Variants in DOCK1 observed in about 807,000 individuals in gnomAD.
DOCK1 encodes dedicator of cytokinesis protein 1.
In DOCK1, 138 loss-of-function variants were observed where a neutral mutation model predicts 262.7. The ratio of observed to expected loss-of-function variants is 0.53; its 90% CI spans 0.46 to 0.61. The LOEUF is 0.61. Ranked by LOEUF, DOCK1 falls within the 20% of genes least tolerant of loss-of-function variation. The pLI, the probability that DOCK1 is intolerant of heterozygous loss-of-function variation, is 0.00. For missense variants in DOCK1, 1,908 were observed against 2,370.7 expected (o/e 0.80, Z 4.05); for synonymous variants, 866 against 867.4 (o/e 1.00, Z 0.03).
intron 38 of DOCK1, among the ~76,000 whole-genome samples, chr10:127,388,408 C>T (rs1458630795): frequency 6.6e-6 from 1 of 152,150 alleles, no homozygotes; most frequent in Non-Finnish European, 1.5e-5. Context: ...AGATGAAGAA[C>T]AGGTGCTGGA....
chr10:126,987,486 G>A (rs369056409), intron 4 of DOCK1, 35 bp from the exon 5 acceptor site: 119 of 1,530,470 alleles, frequency 7.8e-5, no homozygotes, highest in Non-Finnish European at 1.0e-4. Flanking sequence ...CAGTGAAACC[G>A]TGGACTCAGC....
At chr10:127,386,747 G>A (rs1276220176) in intron 38 of DOCK1, among the ~76,000 whole-genome samples, 5 of 152,032 alleles carry the variant, frequency 3.3e-5, no homozygotes, top group Non-Finnish European at 7.4e-5. Context: ...TGTAATGCCC[G>A]TGAATCATCC....
intron 33 of DOCK1, among the ~76,000 whole-genome samples, chr10:127,362,911 A>ACACACATATACACATGCACATCCCCC (rs1565026938): frequency 7.6e-4 from 5 of 6,606 alleles, no homozygotes; most frequent in African/African-American, 2.7e-3. Context: ...GTACATCTCC[A>ACACACATATACACATGCACATCCCCC]CACACACATA....
intron 23 of DOCK1, among the ~76,000 whole-genome samples, chr10:127,071,472 ATC>A (rs1277817188): frequency 6.6e-6 from 1 of 152,194 alleles, no homozygotes; most frequent in African/African-American, 2.4e-5. Context: ...AATGAAAATC[ATC>A]TCTCTTCCAC....
intron 38 of DOCK1, among the ~76,000 whole-genome samples, chr10:127,390,036 G>A (rs2066383791): frequency 6.6e-6 from 1 of 151,456 alleles, no homozygotes; most frequent in Non-Finnish European, 1.5e-5. Context: ...GAGGGGCTGT[G>A]AGACCTCCCT....
chr10:127,075,382 C>T (rs1018828420), intron 23 of DOCK1, among the ~76,000 whole-genome samples: 2 of 152,000 alleles, frequency 1.3e-5, no homozygotes, highest in Non-Finnish European at 2.9e-5. Flanking sequence ...AGTGACCCTT[C>T]CGCCTCAGCT....
intron 27 of DOCK1, among the ~76,000 whole-genome samples, chr10:127,239,998 T>C (rs2059208046): frequency 6.6e-6 from 1 of 152,130 alleles, no homozygotes. Flanking sequence ...ATAACTGTTA[T>C]GGGTAATTTA....
At chr10:127,308,418 T>TTTTG (rs1316403012) in intron 29 of DOCK1, among the ~76,000 whole-genome samples, 1 of 152,198 alleles carries the variant, frequency 6.6e-6, no homozygotes, top group Non-Finnish European at 1.5e-5. Context: ...CTCTGATCTT[T>TTTTG]TTTGTTTGTT....
intron 1 of DOCK1, among the ~76,000 whole-genome samples, chr10:126,938,492 C>T (rs994166208): frequency 3.9e-5 from 6 of 152,198 alleles, no homozygotes; most frequent in Admixed American, 3.9e-4. Context: ...TCTCTATTCT[C>T]TTCTATTGGT....
At position 126,965,791 on chromosome 10, in the gene DOCK1, G is replaced by C. The variant is rs929431375; in HGVS notation, c.47-4911G>C. Among the ~76,000 whole-genome samples the C allele has an allele frequency of 6.6e-5, 10 of 152,136 alleles. No individual in the cohort carries two copies. The South Asian group carries it at 1.9e-3, about 28-fold the overall frequency. ...ATATAATAATTGTATGTATTTATGG[G>C]GTACACCTTCATGTGGTACATATGA... On this transcript the variant is annotated intron_variant, in intron 1 of 51. Transcript: ENST00000623213.
chr10:127,017,167 CACACACACAGATACACCACACAT>C (rs750905656), intron 12 of DOCK1, among the ~76,000 whole-genome samples: 13 of 131,528 alleles, frequency 9.9e-5, no homozygotes, highest in Non-Finnish European at 1.8e-4. Context: ...CAAACACACA[CACACACACAGATACACCACACAT>C]ACACACGCAC....
chr10:127,036,489 T>C (rs1358983626), intron 18 of DOCK1, among the ~76,000 whole-genome samples: 1 of 152,340 alleles, frequency 6.6e-6, no homozygotes. Flanking sequence ...ACTAGAGTTT[T>C]GTTTTTTGAT....
intron 38 of DOCK1, among the ~76,000 whole-genome samples, chr10:127,396,114 TAG>T (rs1230776704): frequency 2.9e-5 from 4 of 139,728 alleles, no homozygotes; most frequent in African/African-American, 1.0e-4. Flanking sequence ...GCTGGGTGTA[TAG>T]AGAGTCCTGG....
At chr10:127,358,181 C>T (rs2064236921) in intron 32 of DOCK1, among the ~76,000 whole-genome samples, 1 of 152,134 alleles carries the variant, frequency 6.6e-6, no homozygotes, top group African/African-American at 2.4e-5. Flanking sequence ...TCTCCTCCTT[C>T]AGTCTTTCCA....
At chr10:127,311,137 A>T (rs893241382) in intron 29 of DOCK1, among the ~76,000 whole-genome samples, 2 of 152,228 alleles carry the variant, frequency 1.3e-5, no homozygotes, top group Non-Finnish European at 2.9e-5. Context: ...TGTAGATTCC[A>T]ATCCAGAAGG....
At chr10:126,963,594 C>T (rs1230056002) in intron 1 of DOCK1, among the ~76,000 whole-genome samples, 1 of 50,070 alleles carries the variant, frequency 2.0e-5, no homozygotes, top group East Asian at 8.7e-4. Flanking sequence ...CCTTCCCTTC[C>T]CTTCCCTTCC....
intron 11 of DOCK1, among the ~76,000 whole-genome samples, chr10:127,011,835 C>T (rs2041477880): frequency 6.6e-6 from 1 of 151,878 alleles, no homozygotes; most frequent in Admixed American, 6.6e-5. Flanking sequence ...ATCAACCTGC[C>T]CCTTGACCTA....
chr10:127,134,878 C>A (rs1215936971), intron 27 of DOCK1, among the ~76,000 whole-genome samples: 2 of 152,136 alleles, frequency 1.3e-5, no homozygotes, highest in Non-Finnish European at 2.9e-5. Context: ...CCAGGTGAGG[C>A]AAACACCAGC....
intron 1 of DOCK1, among the ~76,000 whole-genome samples, chr10:126,963,320 A>C (rs1474227950): frequency 2.0e-5 from 3 of 151,808 alleles, no homozygotes; most frequent in Non-Finnish European, 4.4e-5. Context: ...TAAGTCTCCC[A>C]CTCCATGAAC....
Sources: gnomAD v4.1 joint callset for allele counts (sites outside exome capture counted in the v4.1 genomes callset) on GRCh38, gnomAD v4.1.1 for gene constraint, MANE v1.5 for transcripts, NCBI Gene and HGNC (gene_info 2026-07-23, HGNC 2026-07-21) for gene names.